GBF1: variants seen among roughly 807,000 people sequenced by gnomAD.
GBF1 encodes the protein Golgi-specific brefeldin A-resistance guanine nucleotide exchange factor 1.
A neutral mutation model predicts 210.5 loss-of-function variants in GBF1; 114 were observed. That is an observed-to-expected ratio of 0.54 (90% CI 0.47 to 0.63). The LOEUF (loss-of-function observed/expected upper bound fraction) is 0.63, where lower values mean the gene tolerates loss of function less well. Ranked by LOEUF, GBF1 falls within the 30% of genes least tolerant of loss-of-function variation. GBF1 has a pLI of 0.00. For missense variants in GBF1, 1,851 were observed against 2,357.7 expected (o/e 0.79, Z 4.45); for synonymous variants, 850 against 889.2 (o/e 0.96, Z 0.78).
intron 8 of GBF1, among the ~76,000 whole-genome samples, chr10:102,357,629 C>T (rs769112647): frequency 4.6e-5 from 7 of 152,068 alleles, no homozygotes; most frequent in Non-Finnish European, 8.8e-5. Flanking sequence ...GGAGGAAAGC[C>T]GAGAGACCAT....
intron 3 of GBF1, among the ~76,000 whole-genome samples, chr10:102,299,255 C>T (rs1012779789): frequency 1.3e-5 from 2 of 152,146 alleles, no homozygotes; most frequent in Admixed American, 1.3e-4. Context: ...AGTTACATAG[C>T]ATTCTGGAAA....
At chr10:102,352,644 G>A in intron 7 of GBF1, 126 bp downstream of exon 7, 3 of 706,300 alleles carry the variant, frequency 4.2e-6, no homozygotes, top group South Asian at 3.0e-5. Flanking sequence ...GATTATGGAT[G>A]GGGGGTAGTT....
the GBF1 span, among the ~76,000 whole-genome samples, chr10:102,237,189 A>G: frequency 6.6e-6 from 1 of 152,102 alleles, no homozygotes; most frequent in Non-Finnish European, 1.5e-5. Context: ...CAAACAGAGC[A>G]CAGGATGGAA....
At chr10:102,336,589 G>A (rs531464275) in intron 3 of GBF1, among the ~76,000 whole-genome samples, 1 of 152,136 alleles carries the variant, frequency 6.6e-6, no homozygotes, top group East Asian at 1.9e-4. Context: ...CCATTTACAA[G>A]TAATAAAATT....
At chr10:102,278,194 G>A (rs932265259) in intron 3 of GBF1, among the ~76,000 whole-genome samples, 2 of 152,122 alleles carry the variant, frequency 1.3e-5, no homozygotes, top group East Asian at 1.9e-4. Context: ...GGATTTGGAG[G>A]CTGCGGTGAG....
chr10:102,261,352 G>GA (rs2073191537), intron 3 of GBF1, among the ~76,000 whole-genome samples: 1 of 152,096 alleles, frequency 6.6e-6, no homozygotes, highest in Non-Finnish European at 1.5e-5. Flanking sequence ...GATACAGACT[G>GA]AAAGGGACAG....
intron 3 of GBF1, among the ~76,000 whole-genome samples, chr10:102,341,056 T>G (rs56164723): frequency 1.3e-5 from 2 of 152,176 alleles, no homozygotes; most frequent in East Asian, 3.8e-4. Flanking sequence ...TAGAAATAAC[T>G]GTATCACTAC....
chr10:102,238,625 G>A, the GBF1 span, among the ~76,000 whole-genome samples: 60 of 152,302 alleles, frequency 3.9e-4, no homozygotes, highest in Admixed American at 5.2e-4. Context: ...CATAATAATA[G>A]CAGTGCTTCT....
chr10:102,370,733 CTG>C lies in GBF1; in HGVS notation c.3535_3536del (p.Val1179SerfsTer70). The C allele has an allele frequency of 6.2e-7, 1 of 1,614,052 alleles. No individual in the cohort carries two copies. The highest frequency in any genetic ancestry group is 8.5e-7 in the Non-Finnish European group (1 of 1,179,904). The stretch of plus-strand genomic sequence containing the variant: ...GATCGTGTGGGCTGTGTGTGGCAGA[CTG>C]TTCGAGACCATCTATACCACCTCTG... On this transcript the variant is annotated frameshift_variant, in exon 29 of 40. Coordinates refer to ENST00000369983, the MANE Select transcript of GBF1 (RefSeq NM_001377137.1). LOFTEE classifies it high-confidence loss of function.
intron 3 of GBF1, among the ~76,000 whole-genome samples, chr10:102,289,134 A>G (rs1246093684): frequency 6.6e-6 from 1 of 150,788 alleles, no homozygotes; most frequent in Non-Finnish European, 1.5e-5. Flanking sequence ...CTTAGGAGTT[A>G]TTTACTATTC....
chr10:102,298,522 G>A (rs2077089132), intron 3 of GBF1, among the ~76,000 whole-genome samples: 1 of 152,084 alleles, frequency 6.6e-6, no homozygotes, highest in Admixed American at 6.6e-5. Flanking sequence ...TGTAGTCAGG[G>A]ACCATGCCTT....
intron 24 of GBF1, 149 bp downstream of exon 24, chr10:102,369,536 G>C: frequency 1.1e-6 from 1 of 873,124 alleles, no homozygotes; most frequent in Middle Eastern, 3.0e-4. Context: ...TAAGACCACA[G>C]ATCTTGGGGG....
rs2060700209 is a variant in GBF1, at chr10:102,379,295, G to C, written c.4506G>C (p.Leu1502=). The change falls in exon 34 of 40, where the codon CTG becomes CTC. Residue 1502 remains leucine, a synonymous_variant. Transcript: ENST00000369983. ...TCCTGTGATCCTAGTTGCTAGACCT[G>C]ATGCACACCCTGCACACGCGGGCAG... ...SLQVSQDLLD[L]MHTLHTRAAS... 6.2e-6 allele frequency: 10 copies of C among 1,613,248 alleles called. No homozygotes were observed. The highest frequency in any genetic ancestry group is 7.6e-6 in the Non-Finnish European group (9 of 1,179,860).
intron 4 of GBF1, among the ~76,000 whole-genome samples, 197 bp downstream of exon 4, chr10:102,344,379 GAGA>G (rs1347251014): frequency 1.3e-5 from 2 of 152,232 alleles, no homozygotes; most frequent in South Asian, 2.1e-4. Flanking sequence ...GGAAGGGCAA[GAGA>G]AGAAGTTTTC....
intron 3 of GBF1, among the ~76,000 whole-genome samples, chr10:102,289,815 A>G (rs2133626824): frequency 6.6e-6 from 1 of 152,290 alleles, no homozygotes; most frequent in East Asian, 1.9e-4. Context: ...GTGCCATAAA[A>G]TCACTATTTA....
At chr10:102,231,008 C>T in the GBF1 span, 2 of 1,598,744 alleles carry the variant, frequency 1.3e-6, no homozygotes, top group South Asian at 1.1e-5. Context: ...GGCACCAGCC[C>T]CCCGAGCGGC....
intron 3 of GBF1, among the ~76,000 whole-genome samples, chr10:102,312,219 G>C (rs1160298497): frequency 6.6e-6 from 1 of 152,072 alleles, no homozygotes; most frequent in South Asian, 2.1e-4. Context: ...CTTGAACCTC[G>C]GGGGTGGAGG....
At chr10:102,240,386 T>G (rs115917085), upstream of GBF1, among the ~76,000 whole-genome samples, 1,562 of 152,346 alleles carry the variant, frequency 0.01, 23 homozygotes, top group African/African-American at 0.036. Flanking sequence ...CCAGCCCACC[T>G]CACCCCAAGG....
intron 3 of GBF1, among the ~76,000 whole-genome samples, chr10:102,335,584 C>T (rs745835244): frequency 1.3e-5 from 2 of 152,182 alleles, no homozygotes; most frequent in African/African-American, 2.4e-5. Flanking sequence ...GCAGTAAAGT[C>T]GGATGGCTAC....
Sources: gnomAD v4.1 joint callset for allele counts (sites outside exome capture counted in the v4.1 genomes callset) on GRCh38, gnomAD v4.1.1 for gene constraint, MANE v1.5 for transcripts, NCBI Gene and HGNC (gene_info 2026-07-23, HGNC 2026-07-21) for gene names.